SHISA9: variants seen among roughly 807,000 people sequenced by gnomAD.
The protein encoded by SHISA9 is protein shisa-9.
Under a neutral mutation model 38.0 loss-of-function variants are expected in SHISA9, and 13 were observed. The ratio of observed to expected loss-of-function variants is 0.34; its 90% CI spans 0.22 to 0.54. The LOEUF (loss-of-function observed/expected upper bound fraction) is 0.54. Ranked by LOEUF, SHISA9 falls within the 20% of genes least tolerant of loss-of-function variation. SHISA9 has a pLI of 0.91. For synonymous variants in SHISA9, 275 were observed against 242.0 expected, an observed-to-expected ratio of 1.14 and a Z score of -1.27; for missense variants, 538 against 575.8, an observed-to-expected ratio of 0.93 and a Z score of 0.67.
chr16:13,391,976 G>A, the SHISA9 span, among the ~76,000 whole-genome samples: 2 of 152,158 alleles, frequency 1.3e-5, no homozygotes, highest in African/African-American at 2.4e-5. Flanking sequence ...AGTGTCTGAT[G>A]GTCCCGGTTT....
At chr16:13,465,342 T>C in the SHISA9 span, among the ~76,000 whole-genome samples, 1 of 152,104 alleles carries the variant, frequency 6.6e-6, no homozygotes, top group Non-Finnish European at 1.5e-5. Context: ...ATCCCTCAAA[T>C]GAAGTTGAAC....
the SHISA9 span, among the ~76,000 whole-genome samples, chr16:13,276,229 G>C: frequency 6.9e-6 from 1 of 144,244 alleles, no homozygotes; most frequent in Non-Finnish European, 1.5e-5. Flanking sequence ...CCAGGTCACT[G>C]CAAATGCTGT....
At chr16:13,492,860 G>T in the SHISA9 span, among the ~76,000 whole-genome samples, 43,260 of 152,048 alleles carry the variant, frequency 0.28, 6,755 homozygotes, top group East Asian at 0.37. Flanking sequence ...AAAGAGCATT[G>T]CAGGGTAAAG....
intron 2 of SHISA9, among the ~76,000 whole-genome samples, chr16:13,099,497 C>T (rs2141955768): frequency 1.3e-5 from 2 of 152,168 alleles, no homozygotes; most frequent in Non-Finnish European, 2.9e-5. Context: ...TCTGGGCCAA[C>T]ATCACTAAGA....
intron 2 of SHISA9, among the ~76,000 whole-genome samples, chr16:13,079,421 C>A (rs1243576592): frequency 1.3e-5 from 2 of 152,120 alleles, no homozygotes; most frequent in African/African-American, 4.8e-5. Context: ...TTGTTGTTAG[C>A]ATTCTAGAAT....
chr16:13,463,165 A>C, the SHISA9 span, among the ~76,000 whole-genome samples: 1 of 152,118 alleles, frequency 6.6e-6, no homozygotes, highest in Non-Finnish European at 1.5e-5. Flanking sequence ...GTCTCAAAAA[A>C]CAAACAAAAA....
intron 4 of SHISA9, among the ~76,000 whole-genome samples, chr16:13,231,439 G>T (rs1208827707): frequency 2.6e-5 from 4 of 152,178 alleles, no homozygotes; most frequent in African/African-American, 7.2e-5. Flanking sequence ...AGGAAGATGG[G>T]TTCTAGTCCC....
the SHISA9 span, among the ~76,000 whole-genome samples, chr16:13,399,460 C>T: frequency 3.3e-5 from 5 of 152,118 alleles, no homozygotes; most frequent in Non-Finnish European, 5.9e-5. Flanking sequence ...ACTACATGAA[C>T]TTACTGTCCC....
At chr16:13,046,689 T>C (rs2073192169) in intron 2 of SHISA9, among the ~76,000 whole-genome samples, 1 of 152,254 alleles carries the variant, frequency 6.6e-6, no homozygotes, top group South Asian at 2.1e-4. Flanking sequence ...GTCCCCTGTA[T>C]GATTGGGCTC....
At chr16:13,011,538 T>C (rs985021282) in intron 2 of SHISA9, among the ~76,000 whole-genome samples, 2 of 152,148 alleles carry the variant, frequency 1.3e-5, no homozygotes, top group African/African-American at 2.4e-5. Flanking sequence ...CTTTCTTTTT[T>C]GGAGTTGGAG....
At chr16:12,952,367 G>T (rs573334800) in intron 2 of SHISA9, among the ~76,000 whole-genome samples, 7 of 152,186 alleles carry the variant, frequency 4.6e-5, no homozygotes, top group Non-Finnish European at 1.0e-4. Context: ...TCTCCCAGAG[G>T]GCCCTTCAGC....
At chr16:13,342,823 A>G in the SHISA9 span, among the ~76,000 whole-genome samples, 7 of 152,108 alleles carry the variant, frequency 4.6e-5, no homozygotes, top group Admixed American at 3.3e-4. Flanking sequence ...TCCCTCCACC[A>G]TACTTTCCTG....
the SHISA9 span, among the ~76,000 whole-genome samples, chr16:13,467,165 G>A: frequency 6.6e-6 from 1 of 152,164 alleles, no homozygotes; most frequent in Non-Finnish European, 1.5e-5. Context: ...GTGTGTCTGT[G>A]AGTGTGTTGT....
rs2071965892 is a variant in SHISA9 at position 12,965,511 on chromosome 16, A to G, written c.691+48696A>G. Among the ~76,000 whole-genome samples the G allele has an allele frequency of 3.3e-5, 5 of 152,288 alleles. No individual in the cohort carries two copies. In the South Asian group the frequency reaches 8.3e-4, roughly 25 times the overall value. ...TACCAGTTCTGGAGATACAACTGTGAGACAATTCTCCCAAGTGATTTGGAA... is the reference window on the plus strand; with the variant it reads ...TACCAGTTCTGGAGATACAACTGTGGGACAATTCTCCCAAGTGATTTGGAA... On this transcript the variant is annotated intron_variant, in intron 2 of 4. Coordinates refer to ENST00000558583, the MANE Select transcript of SHISA9 (RefSeq NM_001145204.3).
the SHISA9 span, among the ~76,000 whole-genome samples, chr16:13,534,121 A>G: frequency 6.6e-6 from 1 of 151,494 alleles, no homozygotes; most frequent in Admixed American, 6.6e-5. Flanking sequence ...TTAATACCAC[A>G]TCTCCCTCCA....
At chr16:13,545,522 C>T in the SHISA9 span, among the ~76,000 whole-genome samples, 1 of 152,170 alleles carries the variant, frequency 6.6e-6, no homozygotes, top group East Asian at 1.9e-4. Context: ...GTTGAATAGC[C>T]CCTCCACCCC....
chr16:13,278,545 C>T, the SHISA9 span, among the ~76,000 whole-genome samples: 1 of 151,972 alleles, frequency 6.6e-6, no homozygotes, highest in African/African-American at 2.4e-5. Context: ...CCATCTGGTC[C>T]CGGAGTTTTT....
At chr16:12,984,971 A>C (rs186037582) in intron 2 of SHISA9, among the ~76,000 whole-genome samples, 1 of 152,234 alleles carries the variant, frequency 6.6e-6, no homozygotes, top group African/African-American at 2.4e-5. Context: ...TGAGGCCGAG[A>C]CTTGCCCTGA....
chr16:12,905,666 A>C (rs1469579208), intron 1 of SHISA9, among the ~76,000 whole-genome samples: 1 of 150,470 alleles, frequency 6.6e-6, no homozygotes, highest in Admixed American at 6.7e-5. Context: ...ATCTCCGCTC[A>C]CTGCAACCTC....
Sources: allele counts gnomAD v4.1 joint callset (sites outside exome capture counted in the v4.1 genomes callset), GRCh38; gene constraint gnomAD v4.1.1; transcripts MANE v1.5; gene names NCBI Gene and HGNC (gene_info 2026-07-23, HGNC 2026-07-21).